TRIM26: variants seen among roughly 807,000 people sequenced by gnomAD.
TRIM26 encodes tripartite motif containing 26, also known as tripartite motif-containing protein 26.
TRIM26 carries 16 observed loss-of-function variants against 45.5 expected under a neutral mutation model. The observed-to-expected ratio is 0.35, with a 90% CI of 0.24 to 0.53. The LOEUF is 0.53. Ranked by LOEUF, TRIM26 falls within the 20% of genes least tolerant of loss-of-function variation. TRIM26 has a pLI of 0.92. For missense variants in TRIM26, 442 were observed against 691.1 expected (o/e 0.64, Z 4.04); for synonymous variants, 273 against 290.4 (o/e 0.94, Z 0.61).
Position 30,186,993 on chromosome 6 carries a change from C to T in TRIM26, c.938-435G>A, listed in dbSNP as rs929501426. 5.4e-5 allele frequency: 22 copies of T among 408,880 alleles called. No individual in the cohort carries two copies. Among genetic ancestry groups the T allele is most frequent in the Non-Finnish European group, 9.5e-5 (21 of 221,062 alleles). 25.3% of individuals were successfully genotyped at this position (408,880 alleles called of 1,614,324 possible). A position where few individuals can be genotyped will look rare whatever the true frequency, so the allele number is the denominator to read the frequency against. On this transcript the variant is annotated intron_variant, in intron 9 of 9. Transcript: ENST00000454678. This position sits in a 1 kb window ranked among gnomAD's most constrained non-coding sequence, Gnocchi z 7.4. ...ACTCTTGATATGCTTCTTGGTAATC[C>T]GGATCAGCTGCAGTGAAAGGAACAC...
intron 3 of TRIM26, among the ~76,000 whole-genome samples, chr6:30,200,029 G>C (rs1320687752): frequency 1.3e-5 from 2 of 152,040 alleles, no homozygotes; most frequent in Non-Finnish European, 2.9e-5. Flanking sequence ...CCAACACTTT[G>C]GGTGGCTGAG....
rs1775664485 is a variant in TRIM26 at position 30,190,098 on chromosome 6, C to T, written c.766-63G>A. The T allele has an allele frequency of 5.1e-6, 8 of 1,561,264 alleles. No homozygotes were observed. The highest frequency in any genetic ancestry group is 7.0e-6 in the Non-Finnish European group (8 of 1,134,854). On this transcript the variant is annotated intron_variant, in intron 6 of 9. Transcript: ENST00000454678. The surrounding 1 kb of genome is among the most constrained non-coding windows in gnomAD (Gnocchi z 4.3). The stretch of plus-strand genomic sequence containing the variant: ...ATCAAATAAGACTTCAATGCATCTG[C>T]ACCCAACACTGTAGCAGAGATGGGA...
Position 30,198,865 on chromosome 6 carries a change from C to T in TRIM26, c.239G>A (p.Arg80Gln), listed in dbSNP as rs1244230301. 4.3e-6 allele frequency: 7 copies of T among 1,612,858 alleles called. No individual in the cohort carries two copies. In the Admixed American group the frequency reaches 5.0e-5, roughly 12 times the overall value. The change falls in exon 4 of 10, where the codon CGG becomes CAG. Residue 80 changes from arginine (R) to glutamine (Q), a missense_variant. Physicochemically the swap from Arg to Gln is conservative, Grantham distance 43 (BLOSUM62 1). Transcript: ENST00000454678. This position sits in a 1 kb window ranked among gnomAD's most constrained non-coding sequence, Gnocchi z 6.3. ...QLASLVENIE[R>Q]LKVDKGRQPG... is the part of the protein sequence containing the mutation. ...CTGCCTGCCCTTGTCCACCTTCAGC[C>T]GCTCAATGTTCTCCACCAGGCTGGC... is the stretch of plus-strand genomic sequence containing the variant.
chr6:30,210,834 G>T (rs1051424344), intron 1 of TRIM26, among the ~76,000 whole-genome samples: 3 of 152,160 alleles, frequency 2.0e-5, no homozygotes, highest in African/African-American at 7.2e-5. Flanking sequence ...GAGGGCAAGA[G>T]ATTTCATCAT....
rs1477270177 is a variant in TRIM26 at position 30,186,650 on chromosome 6, G to A, written c.938-92C>T. On this transcript the variant is annotated intron_variant, in intron 9 of 9. Transcript: ENST00000454678. The surrounding 1 kb of genome is among the most constrained non-coding windows in gnomAD (Gnocchi z 7.4). ...AATAAAATTTATTTTGGCAGATAGC[G>A]TTAAACAAAATTAAAGTTGCATACA... 55 of 1,407,878 alleles carry A rather than the reference G, an allele frequency of 3.9e-5. No homozygotes were observed. Among genetic ancestry groups the A allele is most frequent in the Admixed American group, 6.2e-5 (2 of 32,206 alleles). 87.2% of individuals were successfully genotyped at this position (1,407,878 alleles called of 1,614,324 possible). A position where few individuals can be genotyped will look rare whatever the true frequency, so the allele number is the denominator to read the frequency against.
rs1476012314 is a variant in TRIM26 at position 30,213,289 on chromosome 6, T to G, written c.-376+16A>C. 1 of 152,300 alleles carries G rather than the reference T, an allele frequency of 6.6e-6. No individual in the cohort carries two copies. Among genetic ancestry groups the G allele is most frequent in the Non-Finnish European group, 1.5e-5 (1 of 68,100 alleles). 9.4% of individuals were successfully genotyped at this position (152,300 alleles called of 1,614,324 possible). On this transcript the variant is annotated intron_variant, in intron 1 of 9. Coordinates refer to ENST00000454678, the MANE Select transcript of TRIM26 (RefSeq NM_003449.5). ...CTGTTGCTTCGCTGTATGTCTCATGTGCACCCCCTACTCACCGGTCCCGAG... is the reference window on the plus strand; with the variant it reads ...CTGTTGCTTCGCTGTATGTCTCATGGGCACCCCCTACTCACCGGTCCCGAG...
chr6:30,197,187 T>C (rs1776576181), intron 5 of TRIM26, among the ~76,000 whole-genome samples: 1 of 152,148 alleles, frequency 6.6e-6, no homozygotes, highest in Non-Finnish European at 1.5e-5. Flanking sequence ...GTCTAAAATA[T>C]CTATATGTAC....
chr6:30,210,127 C>T (rs949268748), intron 1 of TRIM26, among the ~76,000 whole-genome samples: 7 of 151,998 alleles, frequency 4.6e-5, no homozygotes, highest in African/African-American at 1.7e-4. Flanking sequence ...ATCGCTTGAA[C>T]CCAGGAGGCG....
rs112020828 is a variant in TRIM26, at chr6:30,199,650, T to C, written c.-161-386A>G. Among the ~76,000 whole-genome samples the C allele has an allele frequency of 8.7e-4, 132 of 151,548 alleles. 2 individuals are homozygous for C. Among genetic ancestry groups the C allele is most frequent in the African/African-American group, 2.9e-3 (121 of 41,320 alleles). On this transcript the variant is annotated intron_variant, in intron 3 of 9. Coordinates refer to ENST00000454678, the MANE Select transcript of TRIM26 (RefSeq NM_003449.5). ...CCGTTTTTTTTTTTTGGTTTTTTTTTTTTTGAGATGGAGTCTTACTCTGTC... is the reference window on the plus strand; with the variant it reads ...CCGTTTTTTTTTTTTGGTTTTTTTTCTTTTGAGATGGAGTCTTACTCTGTC...
At chr6:30,208,914 G>C (rs1040621373) in intron 1 of TRIM26, among the ~76,000 whole-genome samples, 120 of 134,654 alleles carry the variant, frequency 8.9e-4, no homozygotes, top group African/African-American at 3.5e-3. Flanking sequence ...ATGTGTGTGT[G>C]TGTGTGTGTG....
At chr6:30,192,111 C>G (rs1464869827) in intron 6 of TRIM26, among the ~76,000 whole-genome samples, 2 of 152,146 alleles carry the variant, frequency 1.3e-5, no homozygotes, top group Non-Finnish European at 2.9e-5. Context: ...GAGCCCCCAT[C>G]CACAGCCACA....
intron 6 of TRIM26, among the ~76,000 whole-genome samples, chr6:30,193,129 T>C (rs9261550): frequency 0.099 from 5,603 of 56,824 alleles, 271 homozygotes; most frequent in East Asian, 0.21. Context: ...TATATATATA[T>C]ACATATATGT....
chr6:30,189,907 A>G lies in TRIM26; in HGVS notation c.788+106T>C, dbSNP rs1775640509. 7.4e-7 allele frequency: 1 copy of G among 1,345,058 alleles called. No homozygotes were observed. Among genetic ancestry groups the G allele is most frequent in the Admixed American group, 1.7e-5 (1 of 58,518 alleles). The allele number at this position is 1,345,058 out of a possible 1,614,324, so 83.3% of individuals were successfully genotyped here. On this transcript the variant is annotated intron_variant, in intron 7 of 9. Transcript: ENST00000454678. The surrounding 1 kb of genome is among the most constrained non-coding windows in gnomAD (Gnocchi z 5.0). ...TCAGGATGAACCATGGGATGTGAGT[A>G]CCTCTGGCACCATACCACTCCCCAT...
rs1776697890 is a variant in TRIM26, at chr6:30,198,246, A to G, written c.534+183T>C. ...GTCTCTCAGACAAGAAACAGGCCCA[A>G]GACTACACGGCTCAGAAAGACAGCA... On this transcript the variant is annotated intron_variant, in intron 5 of 9. Coordinates refer to ENST00000454678, the MANE Select transcript of TRIM26 (RefSeq NM_003449.5). The surrounding 1 kb of genome is among the most constrained non-coding windows in gnomAD (Gnocchi z 6.3). Among the ~76,000 whole-genome samples the G allele has an allele frequency of 6.6e-6, 1 of 151,988 alleles. No homozygotes were observed. Among genetic ancestry groups the G allele is most frequent in the Non-Finnish European group, 1.5e-5 (1 of 68,018 alleles).
chr6:30,201,325 A>C (rs1337703667), intron 2 of TRIM26, among the ~76,000 whole-genome samples, 187 bp from the exon 3 acceptor site: 1 of 152,250 alleles, frequency 6.6e-6, no homozygotes, highest in African/African-American at 2.4e-5. Context: ...ACAATAATAC[A>C]TAAAAAGTGT....
intron 6 of TRIM26, among the ~76,000 whole-genome samples, chr6:30,195,251 C>G (rs547961649): frequency 1.3e-5 from 2 of 151,978 alleles, no homozygotes; most frequent in African/African-American, 4.8e-5. Context: ...ATGGCAGGGG[C>G]GTGAGGAGAG....
At chr6:30,203,547 CT>C (rs1371749508) in intron 2 of TRIM26, among the ~76,000 whole-genome samples, 2 of 152,058 alleles carry the variant, frequency 1.3e-5, no homozygotes, top group African/African-American at 4.8e-5. Context: ...TCCCTAGTAG[CT>C]GGGATTACAG....
At chr6:30,203,187 G>A (rs900425642) in intron 2 of TRIM26, among the ~76,000 whole-genome samples, 3 of 151,558 alleles carry the variant, frequency 2.0e-5, no homozygotes, top group Non-Finnish European at 4.4e-5. Context: ...GCAACAACAG[G>A]TGCATACTAC....
At chr6:30,202,851 T>TA (rs9280917) in intron 2 of TRIM26, among the ~76,000 whole-genome samples, 33,466 of 150,364 alleles carry the variant, frequency 0.22, 4,166 homozygotes, top group African/African-American at 0.33. Flanking sequence ...GTCAATGTCA[T>TA]AAAAAAAAAC....
Sources: allele counts gnomAD v4.1 joint callset (sites outside exome capture counted in the v4.1 genomes callset), GRCh38; gene constraint gnomAD v4.1.1; non-coding constraint Gnocchi (gnomAD v3.1); transcripts MANE v1.5; gene names NCBI Gene and HGNC (gene_info 2026-07-23, HGNC 2026-07-21).